The following SLC35D2 variants were observed in gnomAD, a reference collection of about 807,000 sequenced individuals.
SLC35D2 encodes the protein nucleotide sugar transporter SLC35D2.
A neutral mutation model predicts 41.8 loss-of-function variants in SLC35D2; 43 were observed. The ratio of observed to expected loss-of-function variants is 1.03; its 90% CI spans 0.81 to 1.33. The LOEUF is 1.33. Among genes scored for constraint, SLC35D2 ranks in the 40% most tolerant of loss-of-function variants. The probability of loss-of-function intolerance (pLI) is 0.00; values close to 1 mark genes in which losing one functional copy is unlikely to be tolerated. For missense variants in SLC35D2, 380 were observed against 408.4 expected (o/e 0.93, Z 0.60); for synonymous variants, 150 against 163.9 (o/e 0.92, Z 0.65).
At chr9:96,358,020 C>T (rs1053335593) in intron 4 of SLC35D2, among the ~76,000 whole-genome samples, 23 of 148,260 alleles carry the variant, frequency 1.6e-4, no homozygotes, top group African/African-American at 5.6e-4. Context: ...AGCCTGGAGA[C>T]CCTGTCTCAA....
intron 8 of SLC35D2, among the ~76,000 whole-genome samples, chr9:96,342,977 G>A (rs911721988): frequency 9.9e-5 from 15 of 152,234 alleles, no homozygotes; most frequent in African/African-American, 2.4e-4. Flanking sequence ...CAGCAATGAC[G>A]GGGTTATCGC....
chr9:96,383,349 C>T, intron 1 of SLC35D2, 128 bp downstream of exon 1: 1 of 581,884 alleles, frequency 1.7e-6, no homozygotes, highest in Non-Finnish European at 2.7e-6. Flanking sequence ...GAAACTCGAC[C>T]AATGTGCCCA....
At chr9:96,326,062 T>C (rs7854023) in intron 9 of SLC35D2, among the ~76,000 whole-genome samples, 5,370 of 152,350 alleles carry the variant, frequency 0.035, 314 homozygotes, top group African/African-American at 0.12. Flanking sequence ...AAAGAAACTC[T>C]GTGGTTCTAA....
Position 96,374,995 on chromosome 9 carries a change from CTTTT to C in SLC35D2, c.159-6694_159-6691del, listed in dbSNP as rs373967703. Among the ~76,000 whole-genome samples the C allele has an allele frequency of 2.2e-5, 3 of 136,156 alleles. No individual in the cohort carries two copies. The South Asian group carries it at 7.0e-4, about 32-fold the overall frequency. The allele number at this position is 136,156 out of a possible 152,430, so 89.3% of individuals were successfully genotyped here. On this transcript the variant is annotated intron_variant, in intron 1 of 11. Coordinates refer to ENST00000253270, the MANE Select transcript of SLC35D2 (RefSeq NM_007001.3). ...CTAATATTTCTATTTTGTTTGAATT[CTTTT>C]TTTTTTTTTTGAGATTGAATCTCAC...
At chr9:96,360,418 C>T (rs1046636953) in intron 3 of SLC35D2, among the ~76,000 whole-genome samples, 197 bp from the exon 4 acceptor site, 2 of 151,902 alleles carry the variant, frequency 1.3e-5, no homozygotes, top group Admixed American at 6.6e-5. Context: ...ATCACGAGGT[C>T]AGGAGTTCGA....
rs376945910 is a variant in SLC35D2 at position 96,345,279 on chromosome 9, C to T, written c.591+20G>A. On this transcript the variant is annotated intron_variant, in intron 7 of 11. Coordinates refer to ENST00000253270, the MANE Select transcript of SLC35D2 (RefSeq NM_007001.3). Reference sequence around the variant, plus strand: ...GGGGCCAGATGACAGAGCCAAAAAGCCATAGGCAAGGTCTGGTACCTTTGG... The same window carrying T: ...GGGGCCAGATGACAGAGCCAAAAAGTCATAGGCAAGGTCTGGTACCTTTGG... The T allele has an allele frequency of 7.9e-6, 11 of 1,383,798 alleles. No individual in the cohort carries two copies. Among genetic ancestry groups the T allele is most frequent in the Non-Finnish European group, 1.1e-5 (11 of 988,788 alleles). 85.7% of individuals were successfully genotyped at this position (1,383,798 alleles called of 1,614,324 possible). A position where few individuals can be genotyped will look rare whatever the true frequency, so the allele number is the denominator to read the frequency against.
At chr9:96,346,830 T>TA (rs71498993) in intron 6 of SLC35D2, among the ~76,000 whole-genome samples, 4,994 of 136,006 alleles carry the variant, frequency 0.037, 103 homozygotes, top group Middle Eastern at 0.069. Context: ...AGTCACAATT[T>TA]AAAAAAAAAA....
chr9:96,337,981 C>CAAAAA, intron 8 of SLC35D2, among the ~76,000 whole-genome samples: 1 of 33,906 alleles, frequency 2.9e-5, no homozygotes, highest in Non-Finnish European at 5.2e-5. Flanking sequence ...AACTCCACCT[C>CAAAAA]AAAAAAAAAA....
intron 1 of SLC35D2, among the ~76,000 whole-genome samples, chr9:96,373,335 C>G (rs1237392972): frequency 6.6e-6 from 1 of 152,160 alleles, no homozygotes; most frequent in Non-Finnish European, 1.5e-5. Flanking sequence ...AATGAGAATT[C>G]CTGACAAACC....
At chr9:96,335,632 T>C (rs368145252) in intron 9 of SLC35D2, among the ~76,000 whole-genome samples, 1 of 152,148 alleles carries the variant, frequency 6.6e-6, no homozygotes, top group East Asian at 1.9e-4. Context: ...TTTATTCTTT[T>C]GCACCTTTTT....
chr9:96,354,095 G>A (rs765159742), intron 4 of SLC35D2, among the ~76,000 whole-genome samples: 3 of 152,142 alleles, frequency 2.0e-5, no homozygotes, highest in African/African-American at 4.8e-5. Context: ...ACAACAAAAC[G>A]CTTTATATTT....
chr9:96,383,016 C>T (rs186558634), intron 1 of SLC35D2, among the ~76,000 whole-genome samples: 1 of 152,322 alleles, frequency 6.6e-6, no homozygotes, highest in East Asian at 1.9e-4. Flanking sequence ...AAAAGTACTC[C>T]ATATGAACTT....
At chr9:96,357,314 A>G (rs1830067174) in intron 4 of SLC35D2, 1 of 152,264 alleles carries the variant, frequency 6.6e-6, no homozygotes, top group Non-Finnish European at 1.5e-5. Flanking sequence ...TAGTGCTGGG[A>G]CAACTGAACA....
chr9:96,333,662 C>G (rs1366670881), intron 9 of SLC35D2, among the ~76,000 whole-genome samples: 9 of 151,862 alleles, frequency 5.9e-5, no homozygotes, highest in Admixed American at 5.9e-4. Flanking sequence ...CATGGGCAAG[C>G]CCTGGAGGGT....
intron 1 of SLC35D2, among the ~76,000 whole-genome samples, chr9:96,371,884 G>A (rs913699431): frequency 2.1e-4 from 31 of 150,676 alleles, no homozygotes; most frequent in Middle Eastern, 3.4e-3. Context: ...CCGCCACTAC[G>A]CCCGGCTAAT....
chr9:96,317,031 G>C (rs1306898820), downstream of SLC35D2, among the ~76,000 whole-genome samples: 2 of 151,866 alleles, frequency 1.3e-5, no homozygotes, highest in Non-Finnish European at 2.9e-5. Context: ...CCAGCTACTG[G>C]GGAGGCTGAG....
At chr9:96,344,043 G>A in intron 7 of SLC35D2, 47 bp from the exon 8 acceptor site, 1 of 1,259,490 alleles carries the variant, frequency 7.9e-7, no homozygotes, top group African/African-American at 1.5e-5. Context: ...GAAACGTGAG[G>A]CACAGATTTC....
chr9:96,341,489 T>G (rs1046780515), intron 8 of SLC35D2, among the ~76,000 whole-genome samples: 1 of 152,180 alleles, frequency 6.6e-6, no homozygotes, highest in Admixed American at 6.5e-5. Flanking sequence ...GGAATGTATT[T>G]AAGCACAATG....
At chr9:96,360,243 G>T in intron 3 of SLC35D2, 22 bp from the exon 4 acceptor site, 1 of 1,574,944 alleles carries the variant, frequency 6.3e-7, no homozygotes, top group East Asian at 2.2e-5. Flanking sequence ...AAAAAAAGAA[G>T]AAATATTTGG....
Sources: gnomAD v4.1 joint callset for allele counts (sites outside exome capture counted in the v4.1 genomes callset) on GRCh38, gnomAD v4.1.1 for gene constraint, MANE v1.5 for transcripts, NCBI Gene and HGNC (gene_info 2026-07-23, HGNC 2026-07-21) for gene names.